The following ATP10B variants were observed in gnomAD, a reference collection of about 807,000 sequenced individuals.
ATP10B encodes phospholipid-transporting ATPase VB.
Under a neutral mutation model 141.2 loss-of-function variants are expected in ATP10B, and 122 were observed. That is an observed-to-expected ratio of 0.86 (90% CI 0.75 to 1.00). The LOEUF is 1.00. ATP10B is among the 50% of genes least tolerant of loss of function. The pLI, the probability that ATP10B is intolerant of heterozygous loss-of-function variation, is 0.00. For missense variants in ATP10B, 1,876 were observed against 1,825.3 expected, an observed-to-expected ratio of 1.03 and a Z score of -0.51; for synonymous variants, 685 against 692.0, an observed-to-expected ratio of 0.99 and a Z score of 0.16.
chr5:160,853,559 T>C (rs1432618306), upstream of ATP10B, among the ~76,000 whole-genome samples: 1 of 152,174 alleles, frequency 6.6e-6, no homozygotes, highest in African/African-American at 2.4e-5. Flanking sequence ...TTTCCCATTA[T>C]CACTTTCCTG....
chr5:160,591,440 C>T (rs945310744), intron 22 of ATP10B, among the ~76,000 whole-genome samples: 19 of 152,190 alleles, frequency 1.2e-4, no homozygotes, highest in Non-Finnish European at 2.5e-4. Flanking sequence ...GCAATTGTGC[C>T]TACCTAGTAA....
At chr5:160,740,186 A>G (rs1401001334) in intron 2 of ATP10B, among the ~76,000 whole-genome samples, 1 of 152,356 alleles carries the variant, frequency 6.6e-6, no homozygotes, top group African/African-American at 2.4e-5. Context: ...AGTTTTAACT[A>G]TCTGGGGTTG....
chr5:160,587,094 TAA>T (rs1172744597), intron 24 of ATP10B, among the ~76,000 whole-genome samples: 1 of 152,242 alleles, frequency 6.6e-6, no homozygotes, highest in Admixed American at 6.5e-5. Flanking sequence ...GTCTTATGTT[TAA>T]GTCTTTAATC....
chr5:160,826,640 A>G (rs776300661), intron 1 of ATP10B, among the ~76,000 whole-genome samples: 1 of 152,202 alleles, frequency 6.6e-6, no homozygotes. Context: ...AAAAAGAGCC[A>G]TATTTTTCTT....
intron 2 of ATP10B, among the ~76,000 whole-genome samples, chr5:160,726,677 G>T (rs985468992): frequency 4.0e-5 from 6 of 149,220 alleles, no homozygotes; most frequent in South Asian, 2.2e-4. Context: ...GAAGGAGTAG[G>T]GGGGGAGGAG....
At chr5:160,861,458 T>A in the ATP10B span, among the ~76,000 whole-genome samples, 1 of 151,940 alleles carries the variant, frequency 6.6e-6, no homozygotes, top group South Asian at 2.1e-4. Flanking sequence ...TTGAAATGTT[T>A]ATATCAAAAA....
chr5:160,725,895 A>T (rs994355134), intron 2 of ATP10B, among the ~76,000 whole-genome samples: 1 of 152,056 alleles, frequency 6.6e-6, no homozygotes, highest in Non-Finnish European at 1.5e-5. Context: ...CTGAACCAAA[A>T]TTTTTTTGTT....
In ATP10B at chr5:160,792,115, C is replaced by T. The variant is rs540715969; in HGVS notation, c.-575-6312G>A. Among the ~76,000 whole-genome samples, 12 of 152,112 alleles carry T rather than the reference C, an allele frequency of 7.9e-5. No individual in the cohort carries two copies. The East Asian group carries it at 1.9e-3, about 25-fold the overall frequency. On this transcript the variant is annotated intron_variant, in intron 1 of 25. Transcript: ENST00000327245. Reference sequence around the variant, plus strand: ...AAATTCTACTCAGAGGAAATAAATCCCCCCCTCCCTAAACTTTCATAAACT... The same window carrying T: ...AAATTCTACTCAGAGGAAATAAATCTCCCCCTCCCTAAACTTTCATAAACT...
chr5:160,772,163 T>C (rs1029152000), intron 2 of ATP10B, among the ~76,000 whole-genome samples: 7 of 152,230 alleles, frequency 4.6e-5, no homozygotes, highest in Non-Finnish European at 7.3e-5. Flanking sequence ...CTGGATCATA[T>C]GGTAATTGTT....
At chr5:160,675,157 C>T (rs536171936) in intron 6 of ATP10B, among the ~76,000 whole-genome samples, 1 of 152,322 alleles carries the variant, frequency 6.6e-6, no homozygotes, top group Admixed American at 6.5e-5. Flanking sequence ...GTCATTCTCT[C>T]ATTAATCCAG....
At chr5:160,601,648 T>C (rs1291153397) in intron 21 of ATP10B, among the ~76,000 whole-genome samples, 1 of 152,220 alleles carries the variant, frequency 6.6e-6, no homozygotes, top group Non-Finnish European at 1.5e-5. Context: ...TTTATAGGGC[T>C]ATATGTTTTT....
intron 13 of ATP10B, 82 bp downstream of exon 13, chr5:160,632,047 T>C (rs1758970365): frequency 7.6e-7 from 1 of 1,323,876 alleles, no homozygotes; most frequent in African/African-American, 1.5e-5. Context: ...GTTTGTACAA[T>C]TTTTTCTTTT....
intron 3 of ATP10B, among the ~76,000 whole-genome samples, chr5:160,694,806 G>A (rs1179725126): frequency 6.6e-6 from 1 of 152,138 alleles, no homozygotes; most frequent in Non-Finnish European, 1.5e-5. Context: ...CTTACATTAG[G>A]TGTCTGGGAG....
At chr5:160,621,939 T>A (rs549694002) in intron 14 of ATP10B, among the ~76,000 whole-genome samples, 1 of 152,336 alleles carries the variant, frequency 6.6e-6, no homozygotes, top group Admixed American at 6.5e-5. Flanking sequence ...TGGAATTGCA[T>A]AGATGGTTCT....
intron 5 of ATP10B, chr5:160,686,842 G>A (rs187382284): frequency 1.7e-6 from 1 of 578,892 alleles, no homozygotes; most frequent in Non-Finnish European, 2.2e-6. Context: ...CATAGCAGTT[G>A]CTCAGTAAAT....
At chr5:160,671,112 C>A (rs1329337645) in intron 6 of ATP10B, among the ~76,000 whole-genome samples, 1 of 145,368 alleles carries the variant, frequency 6.9e-6, no homozygotes, top group Non-Finnish European at 1.5e-5. Flanking sequence ...TTGCAGTGAG[C>A]CGAGATTGCG....
At chr5:160,839,048 G>T (rs1475588072) in intron 1 of ATP10B, among the ~76,000 whole-genome samples, 1 of 152,178 alleles carries the variant, frequency 6.6e-6, no homozygotes, top group Non-Finnish European at 1.5e-5. Flanking sequence ...GGCCCCACCA[G>T]AAGCTGAGTA....
At chr5:160,738,081 C>A (rs1767241566) in intron 2 of ATP10B, among the ~76,000 whole-genome samples, 1 of 152,012 alleles carries the variant, frequency 6.6e-6, no homozygotes, top group Non-Finnish European at 1.5e-5. Flanking sequence ...TGAAATCATG[C>A]AGAGTATGCT....
chr5:160,803,718 A>C (rs988063966), intron 1 of ATP10B, among the ~76,000 whole-genome samples: 5 of 152,198 alleles, frequency 3.3e-5, no homozygotes, highest in African/African-American at 1.2e-4. Flanking sequence ...GTTCAAGGTC[A>C]CATAGCTTGT....
Sources: allele counts gnomAD v4.1 joint callset (sites outside exome capture counted in the v4.1 genomes callset), GRCh38; gene constraint gnomAD v4.1.1; transcripts MANE v1.5; gene names NCBI Gene and HGNC (gene_info 2026-07-23, HGNC 2026-07-21).